Variants in RAB3IP observed in about 807,000 individuals in gnomAD.
RAB3IP encodes the protein rab-3A-interacting protein.
A neutral mutation model predicts 59.1 loss-of-function variants in RAB3IP; 36 were observed. The observed-to-expected ratio is 0.61, with a 90% CI of 0.47 to 0.80. The LOEUF (loss-of-function observed/expected upper bound fraction) is 0.80, where lower values mean the gene tolerates loss of function less well. Ranked by LOEUF, RAB3IP falls within the 30% of genes least tolerant of loss-of-function variation. The pLI, the probability that RAB3IP is intolerant of heterozygous loss-of-function variation, is 0.00. For missense variants in RAB3IP, 511 were observed against 536.0 expected (o/e 0.95, Z 0.46); for synonymous variants, 207 against 191.2 (o/e 1.08, Z -0.68).
At chr12:69,793,625 T>A (rs1423171805) in intron 4 of RAB3IP, among the ~76,000 whole-genome samples, 2 of 152,168 alleles carry the variant, frequency 1.3e-5, no homozygotes, top group Non-Finnish European at 2.9e-5. Flanking sequence ...AATAAAATGA[T>A]CATGTCTTCC....
In RAB3IP at chr12:69,820,594, C is replaced by T. The variant is rs10879021; in HGVS notation, c.*5148C>T. 0.21 allele frequency: 31,969 copies of T among 149,010 alleles called. 4,141 individuals carry two copies. Among genetic ancestry groups the T allele is most frequent in the Middle Eastern group, 0.35 (101 of 286 alleles). 9.2% of individuals were successfully genotyped at this position (149,010 alleles called of 1,614,324 possible). A position where few individuals can be genotyped will look rare whatever the true frequency, so the allele number is the denominator to read the frequency against. ...AAAAAACTGGCCAGGTGCGATGGCT[C>T]ATGCCTGTAATCCCAGCACTTTGGG... is the stretch of plus-strand genomic sequence containing the variant. On this transcript the variant is annotated 3_prime_UTR_variant, in exon 11 of 11. Coordinates refer to ENST00000247833, the MANE Select transcript of RAB3IP (RefSeq NM_022456.5).
Position 69,819,602 on chromosome 12 carries a change from G to A in RAB3IP, c.*4156G>A, listed in dbSNP as rs948437554. ...GCAGCCTGCAAAGACGAAAGGAGGA[G>A]CTGTTAGGAAGAGCAAGGCAACAGA... On this transcript the variant is annotated 3_prime_UTR_variant, in exon 11 of 11. Transcript: ENST00000247833. The A allele has an allele frequency of 1.3e-5, 2 of 152,404 alleles. No homozygotes were observed. The highest frequency in any genetic ancestry group is 2.9e-5 in the Non-Finnish European group (2 of 68,220). 9.4% of individuals were successfully genotyped at this position (152,404 alleles called of 1,614,324 possible).
intron 4 of RAB3IP, among the ~76,000 whole-genome samples, chr12:69,791,440 G>A (rs1876597454): frequency 6.6e-6 from 1 of 152,112 alleles, no homozygotes. Flanking sequence ...ATCTGATAAG[G>A]AGTTAATATC....
intron 3 of RAB3IP, among the ~76,000 whole-genome samples, chr12:69,770,295 C>G (rs545396051): frequency 2.6e-5 from 4 of 152,278 alleles, no homozygotes; most frequent in Middle Eastern, 3.4e-3. Flanking sequence ...TCCGCCCCCC[C>G]ACCCTGCCGG....
chr12:69,814,492 T>G (rs1880890739), intron 10 of RAB3IP, among the ~76,000 whole-genome samples: 1 of 152,056 alleles, frequency 6.6e-6, no homozygotes, highest in African/African-American at 2.4e-5. Flanking sequence ...TTGGTACTAG[T>G]GACATTTTGA....
chr12:69,748,753 C>G (rs1868748779), intron 1 of RAB3IP, among the ~76,000 whole-genome samples: 1 of 152,132 alleles, frequency 6.6e-6, no homozygotes, highest in Admixed American at 6.5e-5. Context: ...TCACTCATTG[C>G]TTAATGCGAA....
chr12:69,792,840 A>G (rs896570491), intron 4 of RAB3IP, among the ~76,000 whole-genome samples: 5 of 152,190 alleles, frequency 3.3e-5, no homozygotes, highest in African/African-American at 4.8e-5. Flanking sequence ...ATATTTTAAA[A>G]ACAAACAAAA....
At chr12:69,800,011 G>C (rs1034612779) in intron 6 of RAB3IP, among the ~76,000 whole-genome samples, 198 bp from the exon 7 acceptor site, 1 of 130,206 alleles carries the variant, frequency 7.7e-6, no homozygotes, top group African/African-American at 2.8e-5. Flanking sequence ...CAGGTATTAT[G>C]CTACCAGGTA....
At chr12:69,738,725 G>A (rs1211382502), upstream of RAB3IP, 2 of 152,186 alleles carry the variant, frequency 1.3e-5, no homozygotes, top group South Asian at 2.1e-4. Context: ...CTGGCGCCAG[G>A]GGGCGCGGAA....
At chr12:69,754,097 A>G (rs111746148) in intron 1 of RAB3IP, among the ~76,000 whole-genome samples, 1,562 of 152,240 alleles carry the variant, frequency 0.01, 22 homozygotes, top group African/African-American at 0.035. Flanking sequence ...GGGAGGGGCT[A>G]GTGTTATCCC....
In RAB3IP at chr12:69,801,594, T is replaced by C. The variant is rs1449726701; in HGVS notation, c.1018-15T>C. On this transcript the variant is annotated splice_polypyrimidine_tract_variant and intron_variant, in intron 7 of 10. Coordinates refer to ENST00000247833, the MANE Select transcript of RAB3IP (RefSeq NM_022456.5). ...CTGCCAGTATAGCATCTAGTACTTTTTCTTTTTTTTTAAGTTGGCTTCAGC... is the reference window on the plus strand; with the variant it reads ...CTGCCAGTATAGCATCTAGTACTTTCTCTTTTTTTTTAAGTTGGCTTCAGC... The C allele has an allele frequency of 6.4e-7, 1 of 1,570,404 alleles. No homozygotes were observed. Among genetic ancestry groups the C allele is most frequent in the African/African-American group, 1.4e-5 (1 of 73,698 alleles).
chr12:69,758,896 G>T (rs975173104), intron 3 of RAB3IP, among the ~76,000 whole-genome samples: 1 of 148,130 alleles, frequency 6.8e-6, no homozygotes, highest in Non-Finnish European at 1.5e-5. Flanking sequence ...TTTGTCTTCC[G>T]GCATCTATCA....
intron 3 of RAB3IP, chr12:69,779,156 C>T (rs1238721299): frequency 1.4e-5 from 2 of 138,326 alleles, no homozygotes; most frequent in Non-Finnish European, 3.1e-5. Flanking sequence ...GCGCAATATT[C>T]GGATGGGAGT....
Position 69,822,704 on chromosome 12 carries a change from T to C in RAB3IP, c.*7258T>C, listed in dbSNP as rs1881882340. The C allele has an allele frequency of 6.6e-6, 1 of 152,216 alleles. No homozygotes were observed. Among genetic ancestry groups the C allele is most frequent in the South Asian group, 2.1e-4 (1 of 4,828 alleles). The allele number at this position is 152,216 out of a possible 1,614,324, so 9.4% of individuals were successfully genotyped here. A position where few individuals can be genotyped will look rare whatever the true frequency, so the allele number is the denominator to read the frequency against. ...GTTCTCAACACAAATGATAAATGTT[T>C]GAGGTGATGGATACCCCAATTACCC... On this transcript the variant is annotated 3_prime_UTR_variant, in exon 11 of 11. Transcript: ENST00000247833.
At chr12:69,741,116 A>G (rs931825462) in intron 1 of RAB3IP, among the ~76,000 whole-genome samples, 12 of 152,356 alleles carry the variant, frequency 7.9e-5, no homozygotes, top group African/African-American at 2.6e-4. Flanking sequence ...TGAGGATTTA[A>G]TAACATACTC....
Position 69,822,232 on chromosome 12 carries a change from C to T in RAB3IP, c.*6786C>T, listed in dbSNP as rs1881823920. 1 of 152,176 alleles carries T rather than the reference C, an allele frequency of 6.6e-6. No homozygotes were observed. Among genetic ancestry groups the T allele is most frequent in the Non-Finnish European group, 1.5e-5 (1 of 68,046 alleles). The allele number at this position is 152,176 out of a possible 1,614,324, so 9.4% of individuals were successfully genotyped here. A position where few individuals can be genotyped will look rare whatever the true frequency, so the allele number is the denominator to read the frequency against. The stretch of plus-strand genomic sequence containing the variant: ...AATCATTTGACTTCATCCTTGCTCC[C>T]TACATCCAGCCAGTAACCATTGCTT... On this transcript the variant is annotated 3_prime_UTR_variant, in exon 11 of 11. Coordinates refer to ENST00000247833, the MANE Select transcript of RAB3IP (RefSeq NM_022456.5).
chr12:69,752,224 T>C (rs749026645), intron 1 of RAB3IP, among the ~76,000 whole-genome samples: 1 of 151,640 alleles, frequency 6.6e-6, no homozygotes, highest in Non-Finnish European at 1.5e-5. Context: ...GGCTAGTCTT[T>C]TAACTCTTGG....
At chr12:69,739,854 T>G (rs1204342199) in intron 1 of RAB3IP, 6 of 1,611,942 alleles carry the variant, frequency 3.7e-6, no homozygotes, top group Non-Finnish European at 5.1e-6. Flanking sequence ...GTTATGGGAT[T>G]AAAAAAGATG....
chr12:69,819,926 C>G lies in RAB3IP; in HGVS notation c.*4480C>G, dbSNP rs1881517803. On this transcript the variant is annotated 3_prime_UTR_variant, in exon 11 of 11. Coordinates refer to ENST00000247833, the MANE Select transcript of RAB3IP (RefSeq NM_022456.5). ...TTTACAGTCTTTGACTAAGCATCCA[C>G]ACTGGAAGAACAAGATTTGGTTTCT... is the stretch of plus-strand genomic sequence containing the variant. 6.6e-6 allele frequency: 1 copy of G among 152,182 alleles called. No individual in the cohort carries two copies. The highest frequency in any genetic ancestry group is 2.4e-5 in the African/African-American group (1 of 41,442). 9.4% of individuals were successfully genotyped at this position (152,182 alleles called of 1,614,324 possible).
Sources: gnomAD v4.1 joint callset for allele counts (sites outside exome capture counted in the v4.1 genomes callset) on GRCh38, gnomAD v4.1.1 for gene constraint, MANE v1.5 for transcripts, NCBI Gene and HGNC (gene_info 2026-07-23, HGNC 2026-07-21) for gene names.